Variants in MCTP2 observed in about 807,000 individuals in gnomAD.
MCTP2 encodes the protein multiple C2 and transmembrane domain containing 2.
Under a neutral mutation model 111.6 loss-of-function variants are expected in MCTP2, and 132 were observed. That is an observed-to-expected ratio of 1.18 (90% CI 1.03 to 1.37). The LOEUF (loss-of-function observed/expected upper bound fraction) is 1.37, where lower values mean the gene tolerates loss of function less well. Among genes scored for constraint, MCTP2 ranks in the 40% most tolerant of loss-of-function variants. The pLI, the probability that MCTP2 is intolerant of heterozygous loss-of-function variation, is 0.00. For missense variants in MCTP2, 1,183 were observed against 1,067.9 expected (o/e 1.11, Z -1.50); for synonymous variants, 395 against 387.7 (o/e 1.02, Z -0.22).
intron 14 of MCTP2, among the ~76,000 whole-genome samples, chr15:94,393,592 T>C (rs141225195): frequency 0.013 from 2,050 of 152,248 alleles, 50 homozygotes; most frequent in African/African-American, 0.046. Context: ...TCTTAAGATA[T>C]CAGTATGGCC....
At chr15:94,346,005 ATAAATACGCCAG>A (rs919072324) in intron 8 of MCTP2, among the ~76,000 whole-genome samples, 2 of 152,142 alleles carry the variant, frequency 1.3e-5, no homozygotes, top group Non-Finnish European at 2.9e-5. Flanking sequence ...ATATGTGCAC[ATAAATACGCCAG>A]CTCTGATTTC....
intron 20 of MCTP2, among the ~76,000 whole-genome samples, chr15:94,465,765 G>A (rs114024398): frequency 2.0e-5 from 3 of 150,894 alleles, no homozygotes; most frequent in Admixed American, 6.6e-5. Flanking sequence ...TGCTTGTTCC[G>A]TGTCTTTTTA....
intron 17 of MCTP2, among the ~76,000 whole-genome samples, chr15:94,419,198 A>G (rs1423719148): frequency 6.6e-6 from 1 of 152,130 alleles, no homozygotes; most frequent in Admixed American, 6.6e-5. Flanking sequence ...GAACTACTGG[A>G]TGGAAATGTG....
intron 4 of MCTP2, among the ~76,000 whole-genome samples, chr15:94,324,655 GA>G (rs1567425119): frequency 1.3e-5 from 2 of 151,842 alleles, no homozygotes; most frequent in African/African-American, 4.8e-5. Flanking sequence ...GCAGATAATG[GA>G]AAAAAATGTG....
chr15:94,454,754 G>A (rs553911299), intron 19 of MCTP2, among the ~76,000 whole-genome samples: 6 of 151,886 alleles, frequency 4.0e-5, no homozygotes, highest in African/African-American at 9.7e-5. Flanking sequence ...ATTTTTCTAC[G>A]AAAGCAACAT....
intron 17 of MCTP2, among the ~76,000 whole-genome samples, chr15:94,436,774 T>G (rs1172428476): frequency 6.6e-6 from 1 of 152,064 alleles, no homozygotes; most frequent in Non-Finnish European, 1.5e-5. Context: ...TGAAGTTACA[T>G]TTAGTAATTT....
intron 2 of MCTP2, among the ~76,000 whole-genome samples, chr15:94,307,850 G>T (rs1046929359): frequency 1.3e-5 from 2 of 152,058 alleles, no homozygotes; most frequent in Admixed American, 1.3e-4. Context: ...CTTTCGGTGG[G>T]GAATGTTGGA....
At chr15:94,441,710 A>C (rs938540331) in intron 18 of MCTP2, among the ~76,000 whole-genome samples, 2 of 152,236 alleles carry the variant, frequency 1.3e-5, no homozygotes, top group Non-Finnish European at 2.9e-5. Flanking sequence ...ACTACAGTGC[A>C]TAGTGACGAA....
intron 4 of MCTP2, among the ~76,000 whole-genome samples, chr15:94,317,203 T>C (rs1472044047): frequency 1.3e-5 from 2 of 152,216 alleles, no homozygotes; most frequent in Admixed American, 1.3e-4. Flanking sequence ...GTATTGACTG[T>C]CTCCCATTTA....
At chr15:94,426,311 G>A (rs933154414) in intron 17 of MCTP2, among the ~76,000 whole-genome samples, 1 of 151,862 alleles carries the variant, frequency 6.6e-6, no homozygotes, top group Non-Finnish European at 1.5e-5. Context: ...CTCTCTTTCT[G>A]GATATCAGAT....
At chr15:94,389,514 G>C (rs994144432) in intron 14 of MCTP2, among the ~76,000 whole-genome samples, 1 of 152,136 alleles carries the variant, frequency 6.6e-6, no homozygotes, top group Non-Finnish European at 1.5e-5. Context: ...CAGAAGACTT[G>C]GTTCAAATTC....
chr15:94,448,788 G>A (rs1195570894), intron 19 of MCTP2, among the ~76,000 whole-genome samples: 2 of 152,174 alleles, frequency 1.3e-5, no homozygotes, highest in South Asian at 2.1e-4. Flanking sequence ...CAAGTGATTG[G>A]TTTTCTGAAA....
intron 2 of MCTP2, among the ~76,000 whole-genome samples, chr15:94,303,138 TA>T (rs1312459346): frequency 6.8e-6 from 1 of 147,328 alleles, no homozygotes; most frequent in Non-Finnish European, 1.5e-5. Flanking sequence ...AGTTTATATA[TA>T]TATATATATA....
At chr15:94,344,491 T>C (rs2077853046) in intron 7 of MCTP2, among the ~76,000 whole-genome samples, 1 of 152,194 alleles carries the variant, frequency 6.6e-6, no homozygotes, top group African/African-American at 2.4e-5. Context: ...GGGTTTTGCT[T>C]GGAGAGAATT....
At chr15:94,309,076 G>A (rs2076014641) in intron 2 of MCTP2, among the ~76,000 whole-genome samples, 1 of 152,060 alleles carries the variant, frequency 6.6e-6, no homozygotes, top group Admixed American at 6.6e-5. Context: ...CTGAAAAGTG[G>A]TACAAAAAAA....
chr15:94,400,075 T>C (rs1006279409), intron 16 of MCTP2, 80 bp downstream of exon 16: 1 of 1,264,236 alleles, frequency 7.9e-7, no homozygotes, highest in Non-Finnish European at 1.2e-6. Flanking sequence ...GCCTGTAATT[T>C]CTTCCTTGAA....
At chr15:94,275,257 T>G (rs1305072996) in intron 1 of MCTP2, among the ~76,000 whole-genome samples, 1 of 152,158 alleles carries the variant, frequency 6.6e-6, no homozygotes, top group Non-Finnish European at 1.5e-5. Flanking sequence ...AGGGTGCCCC[T>G]TATCATTTCT....
rs745536319 is a variant in MCTP2, at chr15:94,298,515, A to G, written c.250A>G (p.Thr84Ala). 1.2e-6 allele frequency: 2 copies of G among 1,613,964 alleles called. No individual in the cohort carries two copies. Among genetic ancestry groups the G allele is most frequent in the Middle Eastern group, 1.6e-4 (1 of 6,076 alleles). ...CACCTCGGTGCCCAGCAGTCTGTCC[A>G]CTGCAGGGATCTTTCCCAAGAGCAG... is the stretch of plus-strand genomic sequence containing the variant. ...SYTSVPSSLSTAGIFPKSSSS... is the reference protein window; with the variant it reads ...SYTSVPSSLSAAGIFPKSSSS... Residue 84 changes from threonine (T) to alanine (A), a missense_variant, in exon 2 of 23, where the codon ACT (threonine) becomes GCT (alanine). By Grantham distance (58) the Thr-to-Ala change is moderately conservative. Transcript: ENST00000357742.
intron 5 of MCTP2, 80 bp from the exon 6 acceptor site, chr15:94,340,119 C>T (rs2077555348): frequency 1.3e-5 from 12 of 923,890 alleles, no homozygotes; most frequent in Non-Finnish European, 1.9e-5. Context: ...AATTTCCAAC[C>T]TATTGCATTT....
Sources: gnomAD v4.1 joint callset for allele counts (sites outside exome capture counted in the v4.1 genomes callset) on GRCh38, gnomAD v4.1.1 for gene constraint, MANE v1.5 for transcripts, NCBI Gene and HGNC (gene_info 2026-07-23, HGNC 2026-07-21) for gene names.